The following CTTNBP2 variants were observed in gnomAD, a reference collection of about 807,000 sequenced individuals.
CTTNBP2 encodes the protein cortactin-binding protein 2.
CTTNBP2 carries 108 observed loss-of-function variants against 156.9 expected under a neutral mutation model. That is an observed-to-expected ratio of 0.69 (90% CI 0.59 to 0.81). CTTNBP2 has a LOEUF of 0.81. CTTNBP2 is among the 30% of genes least tolerant of loss of function. CTTNBP2 has a pLI of 0.00. For missense variants in CTTNBP2, 1,924 were observed against 2,035.4 expected (o/e 0.95, Z 1.05); for synonymous variants, 767 against 751.8 (o/e 1.02, Z -0.33).
At chr7:117,836,749 C>T (rs560756064) in intron 2 of CTTNBP2, among the ~76,000 whole-genome samples, 48 of 152,208 alleles carry the variant, frequency 3.2e-4, no homozygotes, top group African/African-American at 1.1e-3. Flanking sequence ...CACAGTTCCA[C>T]GTGGCTGGGG....
At chr7:117,871,211 G>A (rs954410683) in intron 1 of CTTNBP2, among the ~76,000 whole-genome samples, 6 of 152,168 alleles carry the variant, frequency 3.9e-5, no homozygotes. Flanking sequence ...CAATTGTGAT[G>A]ACACATATCA....
chr7:117,790,658 G>A (rs892794806), intron 4 of CTTNBP2, among the ~76,000 whole-genome samples: 17 of 150,358 alleles, frequency 1.1e-4, no homozygotes, highest in Admixed American at 5.9e-4. Flanking sequence ...TACCAATTAC[G>A]GAACAAATCT....
chr7:117,758,146 T>C (rs1796992696), intron 10 of CTTNBP2, 176 bp from the exon 11 acceptor site: 10 of 557,550 alleles, frequency 1.8e-5, no homozygotes, highest in Non-Finnish European at 3.1e-5. Context: ...AATGAAATTC[T>C]TGTTGAAGGT....
chr7:117,754,366 A>T (rs1349763733), intron 12 of CTTNBP2, among the ~76,000 whole-genome samples: 1 of 152,178 alleles, frequency 6.6e-6, no homozygotes, highest in Non-Finnish European at 1.5e-5. Flanking sequence ...ATCACATTAC[A>T]TGTGCATTTA....
chr7:117,744,776 A>G (rs1796231498), intron 14 of CTTNBP2, among the ~76,000 whole-genome samples: 1 of 152,132 alleles, frequency 6.6e-6, no homozygotes, highest in African/African-American at 2.4e-5. Context: ...GCGTGCCTGT[A>G]GTCCTACCTA....
At chr7:117,801,751 G>A (rs1055836983) in intron 3 of CTTNBP2, among the ~76,000 whole-genome samples, 1 of 152,032 alleles carries the variant, frequency 6.6e-6, no homozygotes, top group African/African-American at 2.4e-5. Context: ...ATGTATGTGT[G>A]TAAAGGAGAA....
chr7:117,852,845 T>C (rs1177349586), intron 2 of CTTNBP2, among the ~76,000 whole-genome samples: 3 of 152,142 alleles, frequency 2.0e-5, no homozygotes, highest in African/African-American at 7.2e-5. Flanking sequence ...AAACAATCCA[T>C]AAATGACAAC....
intron 10 of CTTNBP2, among the ~76,000 whole-genome samples, chr7:117,758,967 T>C (rs1797039656): frequency 6.6e-6 from 1 of 152,150 alleles, no homozygotes; most frequent in Non-Finnish European, 1.5e-5. Context: ...TGGGGGGCCA[T>C]TTCCTTCAAA....
At chr7:117,729,664 GCCTT>G (rs1795295658) in intron 16 of CTTNBP2, among the ~76,000 whole-genome samples, 1 of 152,130 alleles carries the variant, frequency 6.6e-6, no homozygotes, top group Non-Finnish European at 1.5e-5. Flanking sequence ...TACTGCAATT[GCCTT>G]CCTTTTTTTT....
chr7:117,752,182 TC>T (rs1796652167), intron 12 of CTTNBP2, among the ~76,000 whole-genome samples: 1 of 152,182 alleles, frequency 6.6e-6, no homozygotes, highest in Non-Finnish European at 1.5e-5. Flanking sequence ...TAGTGATGAT[TC>T]TCAGTGACTG....
rs188827842 is a variant in CTTNBP2 at position 117,747,510 on chromosome 7, C to T, written c.3349-1411G>A. On this transcript the variant is annotated intron_variant, in intron 12 of 22. Coordinates refer to ENST00000160373, the MANE Select transcript of CTTNBP2 (RefSeq NM_033427.3). ...GCTTTGGGCCGCACGTGGTGGCTCA[C>T]GCCTTTAATCCCAGCACTTTGGGAG... is the stretch of plus-strand genomic sequence containing the variant. Among the ~76,000 whole-genome samples the T allele has an allele frequency of 2.6e-3, 403 of 152,316 alleles. 4 individuals carry two copies. Among genetic ancestry groups the T allele is most frequent in the Non-Finnish European group, 2.6e-3 (175 of 68,026 alleles).
chr7:117,716,311 T>G (rs186813335), intron 22 of CTTNBP2, among the ~76,000 whole-genome samples: 11 of 151,984 alleles, frequency 7.2e-5, no homozygotes, highest in Admixed American at 5.9e-4. Flanking sequence ...ATGACAATGT[T>G]TGTTTCTTTA....
In CTTNBP2 at chr7:117,756,616, A is replaced by G; in HGVS notation, c.3287T>C (p.Leu1096Pro). The G allele has an allele frequency of 6.2e-7, 1 of 1,613,308 alleles. No individual in the cohort carries two copies. The highest frequency in any genetic ancestry group is 8.5e-7 in the Non-Finnish European group (1 of 1,179,258). The part of the protein sequence containing the change: ...VLLSGPQEGC[L>P]SSVTYASMIP... ...CATGGAGGCATAAGTCACACTACTG[A>G]GACAGCCTTCTTGAGGACCTGTAGG... The change falls in exon 12 of 23, where the codon CTC becomes CCC. Residue 1096 changes from leucine to proline, a missense_variant. Transcript: ENST00000160373.
chr7:117,789,816 C>T (rs187609934), intron 4 of CTTNBP2, among the ~76,000 whole-genome samples: 1 of 152,208 alleles, frequency 6.6e-6, no homozygotes, highest in African/African-American at 2.4e-5. Flanking sequence ...AAAGAAGTCA[C>T]CAAAAATGCA....
chr7:117,769,709 G>A (rs566011527), intron 8 of CTTNBP2, among the ~76,000 whole-genome samples: 45 of 152,298 alleles, frequency 3.0e-4, no homozygotes, highest in Non-Finnish European at 4.4e-5. Context: ...ATAAGATAAT[G>A]TTGATTTAGA....
At chr7:117,835,616 T>G (rs1428883924) in intron 2 of CTTNBP2, among the ~76,000 whole-genome samples, 1 of 152,246 alleles carries the variant, frequency 6.6e-6, no homozygotes, top group Non-Finnish European at 1.5e-5. Flanking sequence ...AAACCTATAC[T>G]GGTTCAGGGG....
chr7:117,719,395 T>A lies in CTTNBP2; in HGVS notation c.4644+109A>T, dbSNP rs2116370970. The A allele has an allele frequency of 3.9e-6, 4 of 1,020,598 alleles. No individual in the cohort carries two copies. The South Asian group carries it at 8.4e-5, about 21-fold the overall frequency. 63.2% of individuals were successfully genotyped at this position (1,020,598 alleles called of 1,614,324 possible). A position where few individuals can be genotyped will look rare whatever the true frequency, so the allele number is the denominator to read the frequency against. The stretch of plus-strand genomic sequence containing the variant: ...AAGGTGAGGGATGGTTTGATTTGGA[T>A]CATTAACCATACTATCAATAAGGAA... On this transcript the variant is annotated intron_variant, in intron 21 of 22. Coordinates refer to ENST00000160373, the MANE Select transcript of CTTNBP2 (RefSeq NM_033427.3).
chr7:117,724,758 G>A, intron 18 of CTTNBP2, 26 bp from the exon 19 acceptor site: 1 of 1,609,486 alleles, frequency 6.2e-7, no homozygotes, highest in African/African-American at 1.3e-5. Context: ...TCACAGCAGG[G>A]ATAATGCAGT....
chr7:117,837,829 G>A (rs771314615), intron 2 of CTTNBP2, among the ~76,000 whole-genome samples: 21 of 152,030 alleles, frequency 1.4e-4, no homozygotes, highest in African/African-American at 2.7e-4. Context: ...AGGGATGCTC[G>A]ACTCATACCT....
Sources: gnomAD v4.1 joint callset for allele counts (sites outside exome capture counted in the v4.1 genomes callset) on GRCh38, gnomAD v4.1.1 for gene constraint, MANE v1.5 for transcripts, NCBI Gene and HGNC (gene_info 2026-07-23, HGNC 2026-07-21) for gene names.